KIRREL3: variants seen among roughly 807,000 people sequenced by gnomAD.
KIRREL3 encodes the protein kirre like nephrin family adhesion molecule 3.
Under a neutral mutation model 89.7 loss-of-function variants are expected in KIRREL3, and 36 were observed. The observed-to-expected ratio is 0.40, with a 90% confidence interval of 0.31 to 0.53. The LOEUF (loss-of-function observed/expected upper bound fraction) is 0.53, where lower values mean the gene tolerates loss of function less well. Among genes scored for constraint, KIRREL3 ranks in the 20% least tolerant of loss-of-function variants. KIRREL3 has a pLI of 0.49. For synonymous variants in KIRREL3, 445 were observed against 441.4 expected (o/e 1.01, Z -0.10); for missense variants, 864 against 1,056.6 (o/e 0.82, Z 2.53).
At position 126,755,019 on chromosome 11, in the gene KIRREL3, G is replaced by A. The variant is rs963547938; in HGVS notation, c.56-192107C>T. ...GGCCCTTTAAGAAAGGTTTGTATGA[G>A]TTTAAATTGGGCCCAAGGAACCCAG... On this transcript the variant is annotated intron_variant, in intron 1 of 16. Coordinates refer to ENST00000525144, the MANE Select transcript of KIRREL3 (RefSeq NM_032531.4). The surrounding 1 kb of genome is among the most constrained non-coding windows in gnomAD (Gnocchi z 4.3). 4.6e-5 allele frequency among the ~76,000 whole-genome samples: 7 copies of A among 152,186 alleles called. No homozygotes were observed. The highest frequency in any genetic ancestry group is 1.7e-4 in the African/African-American group (7 of 41,444).
In KIRREL3 at chr11:126,606,622, C is replaced by T. The variant is rs763770003; in HGVS notation, c.56-43710G>A. 7.9e-5 allele frequency among the ~76,000 whole-genome samples: 12 copies of T among 152,058 alleles called. No homozygotes were observed. The highest frequency in any genetic ancestry group is 1.3e-4 in the Admixed American group (2 of 15,264). On this transcript the variant is annotated intron_variant, in intron 1 of 16. Transcript: ENST00000525144. The surrounding 1 kb of genome is among the most constrained non-coding windows in gnomAD (Gnocchi z 4.6). ...GGGGTTGATACCAGGCCGAGACCCT[C>T]GACATTCCAGGGAGGGAACCGGAGG... is the stretch of plus-strand genomic sequence containing the variant.
At position 126,430,534 on chromosome 11, in the gene KIRREL3, G is replaced by A. The variant is rs1171834264; in HGVS notation, c.1696+885C>T. ...TTTCCACTGAGACGGTGGTGATGGA[G>A]GTCCTGAGACCACATCATTGCTGGG... On this transcript the variant is annotated intron_variant, in intron 14 of 16. Coordinates refer to ENST00000525144, the MANE Select transcript of KIRREL3 (RefSeq NM_032531.4). This position sits in a 1 kb window ranked among gnomAD's most constrained non-coding sequence, Gnocchi z 6.6. Among the ~76,000 whole-genome samples, 1 of 152,150 alleles carries A rather than the reference G, an allele frequency of 6.6e-6. No individual in the cohort carries two copies. The highest frequency in any genetic ancestry group is 1.5e-5 in the Non-Finnish European group (1 of 68,034).
chr11:126,787,067 A>T (rs947061484), intron 1 of KIRREL3, among the ~76,000 whole-genome samples: 1 of 152,158 alleles, frequency 6.6e-6, no homozygotes, highest in Non-Finnish European at 1.5e-5. Context: ...GCCTGCATTA[A>T]TGGCAAGGAA....
chr11:126,854,097 T>C (rs1449985832), intron 1 of KIRREL3, among the ~76,000 whole-genome samples: 2 of 151,168 alleles, frequency 1.3e-5, no homozygotes, highest in African/African-American at 2.4e-5. Context: ...TGTTAACATA[T>C]GGCCTAAACT....
rs1270340879 is a variant in KIRREL3 at position 126,575,334 on chromosome 11, G to A, written c.56-12422C>T. ...GGGGCCTTCTCACAGTAGTGTGGGT[G>A]TCACAACCACCTCTTAGCTCTTGAT... On this transcript the variant is annotated intron_variant, in intron 1 of 16. Transcript: ENST00000525144. The surrounding 1 kb of genome is among the most constrained non-coding windows in gnomAD (Gnocchi z 7.0). 6.6e-6 allele frequency among the ~76,000 whole-genome samples: 1 copy of A among 152,114 alleles called. No homozygotes were observed. The highest frequency in any genetic ancestry group is 2.4e-5 in the African/African-American group (1 of 41,408).
At chr11:126,619,173 T>A (rs753204880) in intron 1 of KIRREL3, among the ~76,000 whole-genome samples, 1 of 152,212 alleles carries the variant, frequency 6.6e-6, no homozygotes, top group Non-Finnish European at 1.5e-5. Flanking sequence ...AGATAGCAAC[T>A]GAGTTGAGAT....
rs1240181921 is a variant in KIRREL3, at chr11:126,883,812, A to C, written c.55+116643T>G. 6.6e-6 allele frequency among the ~76,000 whole-genome samples: 1 copy of C among 152,146 alleles called. No homozygotes were observed. The highest frequency in any genetic ancestry group is 1.5e-5 in the Non-Finnish European group (1 of 68,024). ...TTGAAATTAAAGATCCAATGTTAGA[A>C]AGTATGTTATATTAAAAAATGGCCA... is the stretch of plus-strand genomic sequence containing the variant. On this transcript the variant is annotated intron_variant, in intron 1 of 16. Coordinates refer to ENST00000525144, the MANE Select transcript of KIRREL3 (RefSeq NM_032531.4). The surrounding 1 kb of genome is among the most constrained non-coding windows in gnomAD (Gnocchi z 4.1).
chr11:126,646,118 C>T (rs896933267), intron 1 of KIRREL3, among the ~76,000 whole-genome samples: 1 of 151,914 alleles, frequency 6.6e-6, no homozygotes, highest in African/African-American at 2.4e-5. Context: ...ACCCACCCCA[C>T]CCCCCAAACA....
chr11:126,969,077 C>T lies in KIRREL3; in HGVS notation c.55+31378G>A, dbSNP rs1187771398. 6.6e-6 allele frequency among the ~76,000 whole-genome samples: 1 copy of T among 152,084 alleles called. No homozygotes were observed. The highest frequency in any genetic ancestry group is 2.4e-5 in the African/African-American group (1 of 41,416). On this transcript the variant is annotated intron_variant, in intron 1 of 16. Coordinates refer to ENST00000525144, the MANE Select transcript of KIRREL3 (RefSeq NM_032531.4). This position sits in a 1 kb window ranked among gnomAD's most constrained non-coding sequence, Gnocchi z 4.9. ...ACTTCAGGCGGGGGCGTCTGAGGTT[C>T]GCGTGTGAGGGAATCAGGTGCATTG...
At chr11:126,440,618 G>T in intron 10 of KIRREL3, 69 bp from the exon 11 acceptor site, 1 of 1,314,430 alleles carries the variant, frequency 7.6e-7, no homozygotes, top group Non-Finnish European at 1.1e-6. Flanking sequence ...TCTTGGGTGG[G>T]TTCAGAAGTG....
chr11:126,631,161 A>T (rs1442135730), intron 1 of KIRREL3, among the ~76,000 whole-genome samples: 1 of 147,960 alleles, frequency 6.8e-6, no homozygotes, highest in Non-Finnish European at 1.5e-5. Flanking sequence ...TCATTCATTC[A>T]TTCTGCTATG....
rs142254731 is a variant in KIRREL3 at position 126,520,503 on chromosome 11, G to C, written c.433+812C>G. On this transcript the variant is annotated intron_variant, in intron 4 of 16. Transcript: ENST00000525144. This position sits in a 1 kb window ranked among gnomAD's most constrained non-coding sequence, Gnocchi z 4.9. Reference sequence around the variant, plus strand: ...GCCTGAAAGAGCCTAGAGAGCTACGGTGAACTGCTTGGCAAATGTGAGCTC... The same window carrying C: ...GCCTGAAAGAGCCTAGAGAGCTACGCTGAACTGCTTGGCAAATGTGAGCTC... 4.6e-3 allele frequency among the ~76,000 whole-genome samples: 699 copies of C among 152,290 alleles called. 6 individuals are homozygous for C. The highest frequency in any genetic ancestry group is 0.015 in the African/African-American group (642 of 41,566).
At position 126,755,148 on chromosome 11, in the gene KIRREL3, C is replaced by G. The variant is rs1949449573; in HGVS notation, c.56-192236G>C. On this transcript the variant is annotated intron_variant, in intron 1 of 16. Coordinates refer to ENST00000525144, the MANE Select transcript of KIRREL3 (RefSeq NM_032531.4). This position sits in a 1 kb window ranked among gnomAD's most constrained non-coding sequence, Gnocchi z 4.3. ...ATCTTGATTGGAAGAATTATCCTGA[C>G]AAGAAAATTAGTAGTAAGTCAATAA... Among the ~76,000 whole-genome samples the G allele has an allele frequency of 6.6e-6, 1 of 152,110 alleles. No individual in the cohort carries two copies. Among genetic ancestry groups the G allele is most frequent in the Non-Finnish European group, 1.5e-5 (1 of 68,034 alleles).
chr11:126,618,601 AT>A (rs1166829247), intron 1 of KIRREL3, among the ~76,000 whole-genome samples: 1 of 151,130 alleles, frequency 6.6e-6, no homozygotes, highest in Admixed American at 6.6e-5. Context: ...TACCTGGCTA[AT>A]TTTTATGTCT....
intron 1 of KIRREL3, among the ~76,000 whole-genome samples, chr11:126,821,475 G>A (rs1943226130): frequency 6.6e-6 from 1 of 151,292 alleles, no homozygotes; most frequent in Non-Finnish European, 1.5e-5. Flanking sequence ...TGTGTGACCT[G>A]GGCAAAAATT....
In KIRREL3 at chr11:126,607,977, C is replaced by T. The variant is rs1386440112; in HGVS notation, c.56-45065G>A. Among the ~76,000 whole-genome samples the T allele has an allele frequency of 6.6e-6, 1 of 152,190 alleles. No homozygotes were observed. Among genetic ancestry groups the T allele is most frequent in the Non-Finnish European group, 1.5e-5 (1 of 68,032 alleles). On this transcript the variant is annotated intron_variant, in intron 1 of 16. Coordinates refer to ENST00000525144, the MANE Select transcript of KIRREL3 (RefSeq NM_032531.4). The surrounding 1 kb of genome is among the most constrained non-coding windows in gnomAD (Gnocchi z 6.6). Reference sequence around the variant, plus strand: ...CCCATCGCAGCAAGGGCCCGAGGAACGAGCACGTCAGCTGTCTCCAGGGCC... The same window carrying T: ...CCCATCGCAGCAAGGGCCCGAGGAATGAGCACGTCAGCTGTCTCCAGGGCC...
At position 126,905,027 on chromosome 11, in the gene KIRREL3, G is replaced by A. The variant is rs1170423619; in HGVS notation, c.55+95428C>T. Among the ~76,000 whole-genome samples the A allele has an allele frequency of 6.6e-6, 1 of 152,158 alleles. No homozygotes were observed. Among genetic ancestry groups the A allele is most frequent in the African/African-American group, 2.4e-5 (1 of 41,422 alleles). ...GTATTTGTGGCAATGCTTCAGAGGG[G>A]AGAGACATTTCAAGAGACTGGGTCA... On this transcript the variant is annotated intron_variant, in intron 1 of 16. Coordinates refer to ENST00000525144, the MANE Select transcript of KIRREL3 (RefSeq NM_032531.4). This position sits in a 1 kb window ranked among gnomAD's most constrained non-coding sequence, Gnocchi z 5.0.
chr11:126,613,253 G>A (rs1943206105), intron 1 of KIRREL3, among the ~76,000 whole-genome samples: 1 of 152,128 alleles, frequency 6.6e-6, no homozygotes, highest in African/African-American at 2.4e-5. Flanking sequence ...ACTGGCTGTG[G>A]ATCCCAAAGT....
In KIRREL3 at chr11:126,830,209, G is replaced by A. The variant is rs1235798477; in HGVS notation, c.55+170246C>T. On this transcript the variant is annotated intron_variant, in intron 1 of 16. Coordinates refer to ENST00000525144, the MANE Select transcript of KIRREL3 (RefSeq NM_032531.4). This position sits in a 1 kb window ranked among gnomAD's most constrained non-coding sequence, Gnocchi z 4.9. ...ATCACTCTGGTCAATATTTATCATA[G>A]GTACATTTTACAAGATGAATTCTGT... Among the ~76,000 whole-genome samples the A allele has an allele frequency of 1.3e-5, 2 of 152,110 alleles. No individual in the cohort carries two copies. The highest frequency in any genetic ancestry group is 6.5e-5 in the Admixed American group (1 of 15,274).
Sources: allele counts gnomAD v4.1 joint callset (sites outside exome capture counted in the v4.1 genomes callset), GRCh38; gene constraint gnomAD v4.1.1; non-coding constraint Gnocchi (gnomAD v3.1); transcripts MANE v1.5; gene names NCBI Gene and HGNC (gene_info 2026-07-23, HGNC 2026-07-21).